Variants in STAP1 observed in about 807,000 individuals in gnomAD.
STAP1 encodes the protein signal-transducing adaptor protein 1.
Under a neutral mutation model 37.8 loss-of-function variants are expected in STAP1, and 30 were observed. The ratio of observed to expected loss-of-function variants is 0.79; its 90% CI spans 0.59 to 1.08. The LOEUF (loss-of-function observed/expected upper bound fraction) is 1.08, where lower values mean the gene tolerates loss of function less well. STAP1 is among the 50% of genes least tolerant of loss of function. The probability of loss-of-function intolerance (pLI) is 0.00; values close to 1 mark genes in which losing one functional copy is unlikely to be tolerated. For synonymous variants in STAP1, 130 were observed against 116.0 expected (o/e 1.12, Z -0.78); for missense variants, 357 against 349.4 (o/e 1.02, Z -0.17).
chr4:67,580,726 T>C (rs985161499), intron 4 of STAP1, among the ~76,000 whole-genome samples: 1 of 152,212 alleles, frequency 6.6e-6, no homozygotes, highest in African/African-American at 2.4e-5. Flanking sequence ...AATACATCTC[T>C]AGGAAAGGTA....
At chr4:67,601,727 C>T (rs1369404349) in intron 8 of STAP1, among the ~76,000 whole-genome samples, 1 of 152,104 alleles carries the variant, frequency 6.6e-6, no homozygotes, top group Non-Finnish European at 1.5e-5. Context: ...TGTATTGGAG[C>T]TCCTTTGTAT....
At chr4:67,598,410 G>T (rs1324459644) in intron 8 of STAP1, among the ~76,000 whole-genome samples, 3 of 152,002 alleles carry the variant, frequency 2.0e-5, no homozygotes, top group African/African-American at 4.8e-5. Flanking sequence ...GTGTATGAAG[G>T]TTCCCTTTTC....
chr4:67,569,102 A>G (rs1727540900), intron 1 of STAP1, among the ~76,000 whole-genome samples: 1 of 152,206 alleles, frequency 6.6e-6, no homozygotes, highest in South Asian at 2.1e-4. Context: ...AGGCTATATG[A>G]TATAGCCTAT....
At chr4:67,594,319 G>A (rs1050992609) in intron 8 of STAP1, among the ~76,000 whole-genome samples, 2 of 152,196 alleles carry the variant, frequency 1.3e-5, no homozygotes, top group Non-Finnish European at 2.9e-5. Flanking sequence ...TATGAATATT[G>A]TGATGCTAAA....
chr4:67,590,095 C>T (rs964872676), intron 6 of STAP1, among the ~76,000 whole-genome samples: 2 of 152,030 alleles, frequency 1.3e-5, no homozygotes, highest in Non-Finnish European at 2.9e-5. Flanking sequence ...CTGAGCCATC[C>T]CACTCATCCA....
chr4:67,590,426 G>A (rs77524027), intron 6 of STAP1, among the ~76,000 whole-genome samples: 2,827 of 152,190 alleles, frequency 0.019, 92 homozygotes, highest in African/African-American at 0.064. Context: ...CTATTGAGGG[G>A]TTTCTGGTTG....
At chr4:67,565,652 A>G (rs1280870795) in intron 1 of STAP1, among the ~76,000 whole-genome samples, 1 of 152,114 alleles carries the variant, frequency 6.6e-6, no homozygotes, top group African/African-American at 2.4e-5. Context: ...ACACACATAC[A>G]TTATTAGTCC....
chr4:67,583,504 A>G, intron 5 of STAP1, 70 bp from the exon 6 acceptor site: 2 of 1,459,748 alleles, frequency 1.4e-6, no homozygotes, highest in Non-Finnish European at 9.1e-7. Flanking sequence ...TTATTTTGGT[A>G]GTATTTTTTT....
intron 1 of STAP1, among the ~76,000 whole-genome samples, chr4:67,569,234 T>C (rs1727544292): frequency 1.3e-5 from 2 of 152,138 alleles, no homozygotes; most frequent in African/African-American, 4.8e-5. Context: ...AGAGTAGAAA[T>C]ATGGTATAAA....
intron 6 of STAP1, among the ~76,000 whole-genome samples, chr4:67,587,435 C>T (rs148573722): frequency 8.5e-5 from 13 of 152,340 alleles, no homozygotes; most frequent in Middle Eastern, 3.4e-3. Flanking sequence ...TACCAGATGA[C>T]TCTTGTCTCA....
At chr4:67,569,300 G>T (rs972406582) in intron 1 of STAP1, among the ~76,000 whole-genome samples, 1 of 152,182 alleles carries the variant, frequency 6.6e-6, no homozygotes, top group South Asian at 2.1e-4. Context: ...TTGCAGGACT[G>T]GTAGTTTCTC....
At chr4:67,585,231 T>C (rs1727954568) in intron 6 of STAP1, among the ~76,000 whole-genome samples, 1 of 152,230 alleles carries the variant, frequency 6.6e-6, no homozygotes. Flanking sequence ...GGGGATAATA[T>C]TATTTTATTA....
chr4:67,586,903 A>G (rs1233910091), intron 6 of STAP1, among the ~76,000 whole-genome samples: 5 of 152,238 alleles, frequency 3.3e-5, no homozygotes. Context: ...GAATTCTAAC[A>G]CTAGAGTCAG....
intron 1 of STAP1, among the ~76,000 whole-genome samples, chr4:67,564,778 TG>T (rs1242907312): frequency 2.0e-5 from 3 of 152,096 alleles, no homozygotes; most frequent in Non-Finnish European, 4.4e-5. Flanking sequence ...CCAGGCATGG[TG>T]GCATGTGCCT....
chr4:67,583,797 C>A, intron 6 of STAP1, 95 bp downstream of exon 6: 1 of 1,434,602 alleles, frequency 7.0e-7, no homozygotes. Flanking sequence ...TTCGTTGGGG[C>A]TGAAAATATG....
chr4:67,607,155 A>G lies in STAP1; in HGVS notation c.*798A>G, dbSNP rs147895042. 6.6e-4 allele frequency: 101 copies of G among 152,324 alleles called. No homozygotes were observed. The highest frequency in any genetic ancestry group is 2.2e-3 in the African/African-American group (92 of 41,572). The allele number at this position is 152,324 out of a possible 1,614,324, so 9.4% of individuals were successfully genotyped here. On this transcript the variant is annotated 3_prime_UTR_variant, in exon 9 of 9. Transcript: ENST00000265404. ...TGGTTATCAATTTGGGAATCACACA[A>G]TCAACTAAGAATGAAAAGATATGGT...
chr4:67,570,183 A>G (rs538558632), intron 1 of STAP1, among the ~76,000 whole-genome samples: 6 of 152,230 alleles, frequency 3.9e-5, no homozygotes, highest in Non-Finnish European at 7.3e-5. Flanking sequence ...CTCTAAAACA[A>G]TGATTAAAAA....
chr4:67,576,319 T>G (rs2109861428), intron 3 of STAP1, among the ~76,000 whole-genome samples: 1 of 152,330 alleles, frequency 6.6e-6, no homozygotes, highest in South Asian at 2.1e-4. Flanking sequence ...CTATTATGTT[T>G]ATTATTTATC....
At chr4:67,560,791 A>G (rs374678022) in intron 1 of STAP1, among the ~76,000 whole-genome samples, 12 of 152,056 alleles carry the variant, frequency 7.9e-5, no homozygotes, top group African/African-American at 2.7e-4. Context: ...AGCTGGGACT[A>G]CAAGCGCATA....
Sources: gnomAD v4.1 joint callset for allele counts (sites outside exome capture counted in the v4.1 genomes callset) on GRCh38, gnomAD v4.1.1 for gene constraint, MANE v1.5 for transcripts, NCBI Gene and HGNC (gene_info 2026-07-23, HGNC 2026-07-21) for gene names.